ADGRV1: variants seen among roughly 807,000 people sequenced by gnomAD.
ADGRV1 encodes the protein adhesion G protein-coupled receptor V1.
ADGRV1 carries 359 observed loss-of-function variants against 596.2 expected under a neutral mutation model. The observed-to-expected ratio is 0.60, with a 90% CI of 0.55 to 0.66. The LOEUF (loss-of-function observed/expected upper bound fraction) is 0.66. ADGRV1 is among the 30% of genes least tolerant of loss of function. The probability of loss-of-function intolerance (pLI) is 0.00; values close to 1 mark genes in which losing one functional copy is unlikely to be tolerated. For missense variants in ADGRV1, 7,274 were observed against 7,575.6 expected (o/e 0.96, Z 1.48); for synonymous variants, 2,681 against 2,679.2 (o/e 1.00, Z -0.02).
chr5:91,004,141 G>A (rs146067761), intron 85 of ADGRV1, among the ~76,000 whole-genome samples: 109 of 152,158 alleles, frequency 7.2e-4, no homozygotes, highest in Non-Finnish European at 1.3e-3. Context: ...TGGGGATGGG[G>A]GAAGGCTACC....
intron 7 of ADGRV1, chr5:90,628,001 CT>C: frequency 2.9e-6 from 1 of 344,110 alleles, no homozygotes; most frequent in Non-Finnish European, 5.2e-6. Context: ...TCACTGTTTT[CT>C]TTCTTATTTG....
At chr5:90,970,698 C>T (rs185471196) in intron 84 of ADGRV1, among the ~76,000 whole-genome samples, 131 of 152,202 alleles carry the variant, frequency 8.6e-4, no homozygotes, top group African/African-American at 2.9e-3. Flanking sequence ...ATCAAAACCC[C>T]ATCTGTACGT....
At chr5:90,851,847 T>C (rs993040722) in intron 79 of ADGRV1, among the ~76,000 whole-genome samples, 1 of 152,228 alleles carries the variant, frequency 6.6e-6, no homozygotes, top group African/African-American at 2.4e-5. Context: ...GGTGATGTTC[T>C]TAGTTTGACA....
intron 85 of ADGRV1, among the ~76,000 whole-genome samples, chr5:91,067,795 C>T (rs1562171407): frequency 1.3e-5 from 2 of 152,188 alleles, no homozygotes; most frequent in Admixed American, 6.5e-5. Flanking sequence ...CTTTAGGCTA[C>T]TTGCTGTCAA....
At chr5:91,048,682 G>A (rs1233088410) in intron 85 of ADGRV1, among the ~76,000 whole-genome samples, 3 of 151,552 alleles carry the variant, frequency 2.0e-5, no homozygotes, top group African/African-American at 7.3e-5. Flanking sequence ...TCTTTCCTTT[G>A]ACATGTAAAG....
At chr5:90,690,684 G>T (rs1181733360) in intron 30 of ADGRV1, 113 bp from the exon 31 acceptor site, 15 of 1,081,224 alleles carry the variant, frequency 1.4e-5, no homozygotes, top group African/African-American at 4.7e-5. Context: ...GTGGGTTATA[G>T]CTACTTAGAT....
Position 91,069,322 on chromosome 5 carries a change from A to G in ADGRV1, c.18153-3125A>G, listed in dbSNP as rs868099853. ...CAAGTATCAACAGAGTAAACAGACA[A>G]CTTTCAAAATGGGAGAAAATATTCA... On this transcript the variant is annotated intron_variant, in intron 85 of 89. Transcript: ENST00000405460. Among the ~76,000 whole-genome samples, 7 of 152,214 alleles carry G rather than the reference A, an allele frequency of 4.6e-5. No individual in the cohort carries two copies. The South Asian group carries it at 1.4e-3, about 32-fold the overall frequency.
chr5:90,970,030 A>C (rs1029301461), intron 84 of ADGRV1, among the ~76,000 whole-genome samples: 1 of 152,216 alleles, frequency 6.6e-6, no homozygotes, highest in Non-Finnish European at 1.5e-5. Flanking sequence ...CCACCCTAAT[A>C]CTGCGCTTTT....
rs114928709 is a variant in ADGRV1, at chr5:90,982,284, C to T, written c.17974-3060C>T. Among the ~76,000 whole-genome samples the T allele has an allele frequency of 8.5e-3, 1,298 of 152,176 alleles. 19 individuals are homozygous for T. Among genetic ancestry groups the T allele is most frequent in the African/African-American group, 0.03 (1,238 of 41,514 alleles). On this transcript the variant is annotated intron_variant, in intron 84 of 89. Coordinates refer to ENST00000405460, the MANE Select transcript of ADGRV1 (RefSeq NM_032119.4). ...TTCTGTATCAGTTAATCTATGGTAA[C>T]GTTGGTTTCATGATACTTTGTTTTG...
At chr5:91,082,452 G>A (rs973465233) in intron 86 of ADGRV1, among the ~76,000 whole-genome samples, 57 of 152,082 alleles carry the variant, frequency 3.7e-4, no homozygotes, top group Admixed American at 3.1e-3. Context: ...TTGGGCTCCC[G>A]AGTAGCCAGG....
chr5:91,091,633 C>T (rs1349711755), intron 86 of ADGRV1: 1 of 152,116 alleles, frequency 6.6e-6, no homozygotes, highest in African/African-American at 2.4e-5. Flanking sequence ...CAAGAGATCA[C>T]CTGCAGATTG....
At position 90,693,938 on chromosome 5, in the gene ADGRV1, T is replaced by G. The variant is rs371276204; in HGVS notation, c.7182T>G (p.Ile2394Met). The G allele has an allele frequency of 1.4e-5, 23 of 1,599,256 alleles. No individual in the cohort carries two copies. Among genetic ancestry groups the G allele is most frequent in the Non-Finnish European group, 1.6e-5 (19 of 1,170,212 alleles). The change falls in exon 33 of 90, where the codon ATT becomes ATG. Residue 2394 changes from isoleucine (I) to methionine (M), a missense_variant. Physicochemically the swap from Ile to Met is conservative, Grantham distance 10. Transcript: ENST00000405460. Reference protein sequence around the residue: ...RLLLFYSTSDIDVVALAMEEG... With the variant: ...RLLLFYSTSDMDVVALAMEEG... The stretch of plus-strand genomic sequence containing the variant: ...TGTTGTTCTACAGTACTTCCGACAT[T>G]GATGTAGTGGCTCTGGCAATGGAGG...
intron 8 of ADGRV1, 87 bp from the exon 9 acceptor site, chr5:90,629,123 T>A (rs903668349): frequency 2.8e-6 from 2 of 719,232 alleles, no homozygotes; most frequent in Non-Finnish European, 4.1e-6. Context: ...TAATAAATAT[T>A]AAAATTAGAA....
intron 28 of ADGRV1, among the ~76,000 whole-genome samples, chr5:90,685,167 AT>A (rs780024764): frequency 2.3e-4 from 35 of 151,996 alleles, no homozygotes; most frequent in South Asian, 8.3e-4. Context: ...TATAATAAAA[AT>A]TTCTCTAGAA....
chr5:90,716,894 A>C (rs1452113415), intron 43 of ADGRV1, 165 bp downstream of exon 43: 1 of 548,160 alleles, frequency 1.8e-6, no homozygotes, highest in African/African-American at 1.9e-5. Context: ...CTGTAGTTCT[A>C]TTTACTCTGT....
chr5:90,729,845 A>G, intron 50 of ADGRV1, 81 bp downstream of exon 50: 23 of 1,388,234 alleles, frequency 1.7e-5, no homozygotes, highest in Non-Finnish European at 2.0e-5. Flanking sequence ...ATTTAGATTT[A>G]GTATCACATT....
chr5:90,709,226 A>C (rs73175203), intron 39 of ADGRV1, among the ~76,000 whole-genome samples: 1,782 of 152,236 alleles, frequency 0.012, 14 homozygotes, highest in Middle Eastern at 0.044. Flanking sequence ...TTTTCAGTAG[A>C]TCTCCAAACT....
intron 89 of ADGRV1, among the ~76,000 whole-genome samples, chr5:91,159,412 T>A (rs959807469): frequency 9.2e-5 from 14 of 152,242 alleles, no homozygotes; most frequent in Non-Finnish European, 1.8e-4. Context: ...GCAAGTATAT[T>A]AAAATTGTTT....
intron 83 of ADGRV1, among the ~76,000 whole-genome samples, chr5:90,951,445 G>C (rs149255376): frequency 6.6e-6 from 1 of 151,994 alleles, no homozygotes; most frequent in Non-Finnish European, 1.5e-5. Context: ...ACCTAATACC[G>C]TATGACCATG....
Sources: allele counts gnomAD v4.1 joint callset (sites outside exome capture counted in the v4.1 genomes callset), GRCh38; gene constraint gnomAD v4.1.1; transcripts MANE v1.5; gene names NCBI Gene and HGNC (gene_info 2026-07-23, HGNC 2026-07-21).